The following KCND2 variants were observed in gnomAD, a reference collection of about 807,000 sequenced individuals.
The protein encoded by KCND2 is potassium voltage-gated channel subfamily D member 2.
A neutral mutation model predicts 54.4 loss-of-function variants in KCND2; 16 were observed. The observed-to-expected ratio is 0.29, with a 90% confidence interval of 0.20 to 0.45. The LOEUF is 0.45. Among genes scored for constraint, KCND2 ranks in the 20% least tolerant of loss-of-function variants. The pLI is 1.00. For missense variants in KCND2, 486 were observed against 824.2 expected (o/e 0.59, Z 5.02); for synonymous variants, 317 against 310.7 (o/e 1.02, Z -0.21).
At chr7:120,687,910 A>T (rs762886710) in intron 1 of KCND2, among the ~76,000 whole-genome samples, 2 of 152,170 alleles carry the variant, frequency 1.3e-5, no homozygotes, top group African/African-American at 2.4e-5. Context: ...GAAGTTCAGC[A>T]ATTTAATTGT....
At chr7:120,432,004 G>A (rs542544527) in intron 1 of KCND2, among the ~76,000 whole-genome samples, 7 of 152,268 alleles carry the variant, frequency 4.6e-5, no homozygotes, top group Non-Finnish European at 1.0e-4. Context: ...GCTTCTGGAT[G>A]AATCTGCATT....
At chr7:120,574,721 G>C (rs1174647450) in intron 1 of KCND2, among the ~76,000 whole-genome samples, 1 of 151,970 alleles carries the variant, frequency 6.6e-6, no homozygotes, top group African/African-American at 2.4e-5. Flanking sequence ...TGTGCACCAA[G>C]GTTAAAACTC....
At chr7:120,524,736 A>G (rs991170840) in intron 1 of KCND2, among the ~76,000 whole-genome samples, 8 of 152,220 alleles carry the variant, frequency 5.3e-5, no homozygotes, top group Admixed American at 1.3e-4. Flanking sequence ...GGATTAGTCA[A>G]TACCCTAATG....
At chr7:120,421,292 C>G (rs982311611) in intron 1 of KCND2, among the ~76,000 whole-genome samples, 2 of 152,126 alleles carry the variant, frequency 1.3e-5, no homozygotes, top group Non-Finnish European at 2.9e-5. Flanking sequence ...ATGTAGATAA[C>G]TACCTCTTCT....
chr7:120,504,181 A>C (rs1237724018), intron 1 of KCND2, among the ~76,000 whole-genome samples: 3 of 151,966 alleles, frequency 2.0e-5, no homozygotes, highest in Non-Finnish European at 2.9e-5. Flanking sequence ...ATTTTGGCTC[A>C]TTCAACACCC....
chr7:120,622,456 G>A (rs1487910475), intron 1 of KCND2, among the ~76,000 whole-genome samples: 1 of 151,616 alleles, frequency 6.6e-6, no homozygotes, highest in Non-Finnish European at 1.5e-5. Context: ...ATTAGGTAAT[G>A]AAATTAATTA....
intron 1 of KCND2, among the ~76,000 whole-genome samples, chr7:120,564,822 C>A (rs994246437): frequency 7.2e-5 from 11 of 152,096 alleles, no homozygotes; most frequent in African/African-American, 2.7e-4. Flanking sequence ...TGGTTCAAGG[C>A]AGAGGAATTT....
chr7:120,278,382 T>A (rs112027576), intron 1 of KCND2, among the ~76,000 whole-genome samples: 1 of 151,888 alleles, frequency 6.6e-6, no homozygotes, highest in Non-Finnish European at 1.5e-5. Context: ...TCCAACTATG[T>A]CTGAATGATT....
intron 1 of KCND2, among the ~76,000 whole-genome samples, chr7:120,687,985 T>C (rs936899853): frequency 2.0e-5 from 3 of 152,168 alleles, no homozygotes; most frequent in African/African-American, 4.8e-5. Flanking sequence ...CAGTGTCTAG[T>C]TTGGACTGTG....
chr7:120,465,506 A>G (rs1404445937), intron 1 of KCND2, among the ~76,000 whole-genome samples: 5 of 152,056 alleles, frequency 3.3e-5, no homozygotes, highest in Non-Finnish European at 7.4e-5. Context: ...TGGACCATGA[A>G]AAAAAAAGAA....
At chr7:120,629,998 T>C (rs1793213236) in intron 1 of KCND2, among the ~76,000 whole-genome samples, 1 of 152,088 alleles carries the variant, frequency 6.6e-6, no homozygotes, top group Non-Finnish European at 1.5e-5. Context: ...GCTGGAGTTA[T>C]TAACCGGGGA....
In KCND2 at chr7:120,713,696, T is replaced by A. The variant is rs1468770075; in HGVS notation, c.1116-19207T>A. 2.0e-5 allele frequency among the ~76,000 whole-genome samples: 3 copies of A among 152,206 alleles called. No homozygotes were observed. The East Asian group carries it at 5.8e-4, about 29-fold the overall frequency. On this transcript the variant is annotated intron_variant, in intron 1 of 5. Transcript: ENST00000331113. ...AAATGATCCTGTTATCTTTTGCTAA[T>A]CTGCAATTTAGTTGTATCAGATTTT...
intron 1 of KCND2, among the ~76,000 whole-genome samples, chr7:120,467,918 T>C (rs867925795): frequency 6.6e-6 from 1 of 152,248 alleles, no homozygotes; most frequent in South Asian, 2.1e-4. Context: ...AAGGTACTTC[T>C]GTAGTATTTT....
At chr7:120,649,881 G>A (rs947729023) in intron 1 of KCND2, among the ~76,000 whole-genome samples, 1 of 152,120 alleles carries the variant, frequency 6.6e-6, no homozygotes, top group Non-Finnish European at 1.5e-5. Context: ...AATAAGCTTA[G>A]TTTGGCTGGA....
At chr7:120,727,820 C>T (rs577052163) in intron 1 of KCND2, among the ~76,000 whole-genome samples, 4 of 152,002 alleles carry the variant, frequency 2.6e-5, no homozygotes, top group South Asian at 2.1e-4. Flanking sequence ...AGAAGGAAAA[C>T]TTAGAAGCAG....
intron 1 of KCND2, among the ~76,000 whole-genome samples, chr7:120,687,547 G>T (rs988193594): frequency 3.3e-5 from 5 of 151,794 alleles, no homozygotes; most frequent in Admixed American, 2.0e-4. Flanking sequence ...CAAGCATTGG[G>T]GCTCATGCCT....
At chr7:120,680,158 A>G (rs1792121177) in intron 1 of KCND2, among the ~76,000 whole-genome samples, 1 of 152,136 alleles carries the variant, frequency 6.6e-6, no homozygotes, top group Non-Finnish European at 1.5e-5. Flanking sequence ...TTTATAGCCC[A>G]AACAAGGTAC....
intron 1 of KCND2, among the ~76,000 whole-genome samples, chr7:120,310,994 T>G (rs1334709337): frequency 6.6e-6 from 1 of 151,906 alleles, no homozygotes; most frequent in East Asian, 1.9e-4. Flanking sequence ...ATTGCTTGTA[T>G]TTTTATGTAT....
Position 120,275,000 on chromosome 7 carries a change from GC to G in KCND2, c.370del (p.Leu124SerfsTer42), listed in dbSNP as rs1799152751. 1 of 1,613,962 alleles carries G rather than the reference GC, an allele frequency of 6.2e-7. No homozygotes were observed. Among genetic ancestry groups the G allele is most frequent in the African/African-American group, 1.3e-5 (1 of 74,934 alleles). On this transcript the variant is annotated frameshift_variant, in exon 1 of 6. Coordinates refer to ENST00000331113, the MANE Select transcript of KCND2 (RefSeq NM_012281.3). LOFTEE classifies it high-confidence loss of function. ...SAYDEELAFFGLIPEIIGDCC... is the reference protein window; with the variant it reads ...SAYDEELAFFXLIPEIIGDCC... ...TACGATGAAGAACTGGCCTTCTTTGGCCTCATCCCGGAAATCATCGGCGACT... is the reference window on the plus strand; with the variant it reads ...TACGATGAAGAACTGGCCTTCTTTGGCTCATCCCGGAAATCATCGGCGACT...
Sources: allele counts gnomAD v4.1 joint callset (sites outside exome capture counted in the v4.1 genomes callset), GRCh38; gene constraint gnomAD v4.1.1; transcripts MANE v1.5; gene names NCBI Gene and HGNC (gene_info 2026-07-23, HGNC 2026-07-21).